Variants in PAG1 observed in about 807,000 individuals in gnomAD.
PAG1 encodes the protein phosphoprotein membrane anchor with glycosphingolipid microdomains 1.
A neutral mutation model predicts 31.7 loss-of-function variants in PAG1; 23 were observed. The observed-to-expected ratio is 0.73, with a 90% CI of 0.52 to 1.03. PAG1 has a LOEUF of 1.03. Among genes scored for constraint, PAG1 ranks in the 50% least tolerant of loss-of-function variants. PAG1 has a pLI of 0.00. For missense variants in PAG1, 473 were observed against 540.7 expected (o/e 0.87, Z 1.24); for synonymous variants, 214 against 210.3 (o/e 1.02, Z -0.15).
At chr8:81,000,865 C>T (rs1481826924) in intron 3 of PAG1, among the ~76,000 whole-genome samples, 1 of 152,182 alleles carries the variant, frequency 6.6e-6, no homozygotes, top group East Asian at 1.9e-4. Flanking sequence ...TCATCCCCCG[C>T]AGCAGGCCTG....
rs1206053822 is a variant in PAG1 at position 80,985,206 on chromosome 8, C to A, written c.446G>T (p.Arg149Ile). ...CAGCCCCTGGTCCCCGTCCACACTT[C>A]TCGCCGTGAGCATGGTATCCACTGC... Reference protein sequence around the residue: ...ESAVDTMLTARSVDGDQGLGM... With the variant: ...ESAVDTMLTAISVDGDQGLGM... Residue 149 changes from arginine (R) to isoleucine (I), a missense_variant, in exon 7 of 9, where the codon AGA becomes ATA. Physicochemically the swap from Arg to Ile is moderately conservative, Grantham distance 97. Transcript: ENST00000220597. The A allele has an allele frequency of 1.2e-6, 2 of 1,614,150 alleles. No individual in the cohort carries two copies. Among genetic ancestry groups the A allele is most frequent in the South Asian group, 2.2e-5 (2 of 91,072 alleles).
chr8:81,102,246 A>C (rs970829641), intron 1 of PAG1, among the ~76,000 whole-genome samples: 1 of 152,170 alleles, frequency 6.6e-6, no homozygotes, highest in Non-Finnish European at 1.5e-5. Context: ...ACATTGGACT[A>C]AGGCTACTAC....
chr8:81,064,001 G>A (rs1808962250), intron 2 of PAG1, among the ~76,000 whole-genome samples: 1 of 151,914 alleles, frequency 6.6e-6, no homozygotes, highest in African/African-American at 2.4e-5. Flanking sequence ...TCTTACACAA[G>A]GAGCAAAAGA....
chr8:80,993,375 C>T (rs373398094), intron 3 of PAG1, 68 bp from the exon 4 acceptor site: 1 of 768,486 alleles, frequency 1.3e-6, no homozygotes, highest in Non-Finnish European at 2.0e-6. Flanking sequence ...AATTCGGTCC[C>T]TGTCAGGAGC....
chr8:80,979,111 T>C (rs1461866892), intron 8 of PAG1, among the ~76,000 whole-genome samples: 1 of 152,250 alleles, frequency 6.6e-6, no homozygotes, highest in Non-Finnish European at 1.5e-5. Flanking sequence ...AAAATGAATG[T>C]CTGTGAGTCA....
rs560459201 is a variant in PAG1 at position 81,068,209 on chromosome 8, T to C, written c.-175+1903A>G. On this transcript the variant is annotated intron_variant, in intron 2 of 8. Transcript: ENST00000220597. ...CTGCACCCAGCCTGCTTTGCTTATG[T>C]TTCTAATAACTGGAAAGAACAACTA... Among the ~76,000 whole-genome samples the C allele has an allele frequency of 1.2e-3, 185 of 152,282 alleles. 1 individual carries two copies. Among genetic ancestry groups the C allele is most frequent in the South Asian group, 3.5e-3 (17 of 4,826 alleles).
At chr8:81,050,793 C>G (rs1292028028) in intron 2 of PAG1, among the ~76,000 whole-genome samples, 1 of 152,196 alleles carries the variant, frequency 6.6e-6, no homozygotes, top group East Asian at 1.9e-4. Flanking sequence ...TGAGTCAACT[C>G]CGCAATCGCA....
At chr8:81,043,579 A>C (rs1424955101) in intron 2 of PAG1, among the ~76,000 whole-genome samples, 1 of 152,204 alleles carries the variant, frequency 6.6e-6, no homozygotes, top group East Asian at 1.9e-4. Flanking sequence ...TGGTGTGGTT[A>C]TACTATAATT....
At chr8:81,060,805 A>G (rs1808904977) in intron 2 of PAG1, among the ~76,000 whole-genome samples, 1 of 152,250 alleles carries the variant, frequency 6.6e-6, no homozygotes, top group Non-Finnish European at 1.5e-5. Context: ...TTAGGGAGTA[A>G]GTAGCAAAGG....
intron 3 of PAG1, 33 bp from the exon 4 acceptor site, chr8:80,993,340 T>C (rs766881109): frequency 1.2e-5 from 14 of 1,130,974 alleles, no homozygotes; most frequent in Middle Eastern, 3.0e-4. Flanking sequence ...GGAGAGTAAT[T>C]CTCGGGTAAA....
chr8:81,013,766 G>T (rs1310143619), intron 3 of PAG1, among the ~76,000 whole-genome samples: 10 of 152,092 alleles, frequency 6.6e-5, no homozygotes, highest in African/African-American at 2.4e-4. Context: ...TTTTTGTAGA[G>T]ACAGGGTTTC....
At chr8:81,092,939 G>A (rs1161277462) in intron 1 of PAG1, among the ~76,000 whole-genome samples, 5 of 152,172 alleles carry the variant, frequency 3.3e-5, no homozygotes, top group Admixed American at 2.6e-4. Flanking sequence ...CTTCTTAGCT[G>A]CATGATATAG....
chr8:81,006,851 A>G (rs752818547), intron 3 of PAG1, among the ~76,000 whole-genome samples: 1 of 152,182 alleles, frequency 6.6e-6, no homozygotes, highest in Non-Finnish European at 1.5e-5. Context: ...TTTTTTGGAG[A>G]GGCCTTAGAA....
At chr8:81,092,189 C>CAAAAAAAAAAA (rs58417714) in intron 1 of PAG1, among the ~76,000 whole-genome samples, 2 of 71,400 alleles carry the variant, frequency 2.8e-5, no homozygotes, top group African/African-American at 5.7e-5. Flanking sequence ...CACATCTCTG[C>CAAAAAAAAAAA]AAAAAAAAAA....
chr8:81,060,284 A>G (rs1464164439), intron 2 of PAG1, among the ~76,000 whole-genome samples: 1 of 152,220 alleles, frequency 6.6e-6, no homozygotes, highest in East Asian at 1.9e-4. Context: ...ACCCTGAGCT[A>G]AGGACTTCTG....
intron 3 of PAG1, among the ~76,000 whole-genome samples, chr8:81,006,802 A>G (rs1807885112): frequency 6.6e-6 from 1 of 152,222 alleles, no homozygotes; most frequent in African/African-American, 2.4e-5. Flanking sequence ...TTGAAGGATC[A>G]TATGTGGAAC....
chr8:81,089,257 G>C (rs1009929885), intron 1 of PAG1, among the ~76,000 whole-genome samples: 2 of 152,166 alleles, frequency 1.3e-5, no homozygotes, highest in Admixed American at 1.3e-4. Flanking sequence ...TGCATGCAGT[G>C]GGTTTGTATC....
intron 2 of PAG1, among the ~76,000 whole-genome samples, chr8:81,065,426 C>T (rs937721639): frequency 2.0e-5 from 3 of 152,028 alleles, no homozygotes; most frequent in African/African-American, 7.3e-5. Flanking sequence ...GCCAATTTCT[C>T]ACAAACTCAC....
intron 2 of PAG1, among the ~76,000 whole-genome samples, chr8:81,036,613 T>TCTG (rs1435593200): frequency 2.0e-5 from 3 of 152,240 alleles, no homozygotes; most frequent in Non-Finnish European, 4.4e-5. Flanking sequence ...GCATATGGGC[T>TCTG]ATGATGCACT....
Sources: gnomAD v4.1 joint callset for allele counts (sites outside exome capture counted in the v4.1 genomes callset) on GRCh38, gnomAD v4.1.1 for gene constraint, MANE v1.5 for transcripts, NCBI Gene and HGNC (gene_info 2026-07-23, HGNC 2026-07-21) for gene names.